Variants in LPP observed in about 807,000 individuals in gnomAD.
LPP encodes LIM domain containing preferred translocation partner in lipoma.
In LPP, 38 loss-of-function variants were observed where a neutral mutation model predicts 60.4. That is an observed-to-expected ratio of 0.63 (90% CI 0.49 to 0.83). The LOEUF is 0.83. Among genes scored for constraint, LPP ranks in the 40% least tolerant of loss-of-function variants. The probability of loss-of-function intolerance (pLI) is 0.00; values close to 1 mark genes in which losing one functional copy is unlikely to be tolerated. For synonymous variants in LPP, 328 were observed against 290.8 expected (o/e 1.13, Z -1.30); for missense variants, 902 against 783.6 (o/e 1.15, Z -1.80).
At chr3:188,748,160 A>G (rs1726889494) in intron 8 of LPP, among the ~76,000 whole-genome samples, 1 of 152,184 alleles carries the variant, frequency 6.6e-6, no homozygotes. Flanking sequence ...TTTATTTTAC[A>G]GCAGTTTATT....
At chr3:188,835,890 A>G (rs1758331180) in intron 9 of LPP, among the ~76,000 whole-genome samples, 1 of 152,316 alleles carries the variant, frequency 6.6e-6, no homozygotes. Flanking sequence ...CAGTAGTTTC[A>G]TTTGAAGGGA....
At chr3:188,605,671 G>A (rs1580333562) in intron 6 of LPP, among the ~76,000 whole-genome samples, 1 of 152,018 alleles carries the variant, frequency 6.6e-6, no homozygotes, top group South Asian at 2.1e-4. Flanking sequence ...TCAAATAAAG[G>A]GAATCATTAT....
intron 1 of LPP, among the ~76,000 whole-genome samples, chr3:188,210,799 C>A (rs1577313449): frequency 1.3e-5 from 2 of 151,940 alleles, no homozygotes; most frequent in Admixed American, 6.6e-5. Flanking sequence ...CTGGAATGCT[C>A]CTGTTGGGAT....
chr3:188,772,828 C>A (rs1736519452), intron 9 of LPP, among the ~76,000 whole-genome samples: 1 of 152,004 alleles, frequency 6.6e-6, no homozygotes, highest in South Asian at 2.1e-4. Context: ...TGGGGGGAGC[C>A]TGTGTCACTC....
intron 7 of LPP, among the ~76,000 whole-genome samples, chr3:188,644,915 G>C (rs1321047591): frequency 6.6e-6 from 1 of 152,212 alleles, no homozygotes; most frequent in East Asian, 1.9e-4. Context: ...ATCAGGCAAA[G>C]CTAGACTCAA....
intron 4 of LPP, among the ~76,000 whole-genome samples, chr3:188,444,152 A>G (rs942351431): frequency 6.6e-6 from 1 of 152,192 alleles, no homozygotes; most frequent in South Asian, 2.1e-4. Flanking sequence ...GGAAGGGAAT[A>G]ACTAAATAAT....
chr3:188,192,045 A>G (rs1728326721), intron 1 of LPP, among the ~76,000 whole-genome samples: 1 of 152,130 alleles, frequency 6.6e-6, no homozygotes, highest in African/African-American at 2.4e-5. Context: ...CTATTTGGCA[A>G]TGAGTAAGGG....
intron 2 of LPP, among the ~76,000 whole-genome samples, chr3:188,245,363 G>A (rs1236541212): frequency 6.6e-6 from 1 of 151,978 alleles, no homozygotes; most frequent in African/African-American, 2.4e-5. Flanking sequence ...TGCCTGCCTC[G>A]GCCTCCCAAA....
intron 9 of LPP, among the ~76,000 whole-genome samples, chr3:188,827,429 A>T (rs1474792327): frequency 6.6e-6 from 1 of 152,238 alleles, no homozygotes; most frequent in African/African-American, 2.4e-5. Context: ...GCAACTTTAG[A>T]GGGAAACATG....
At position 188,885,322 on chromosome 3, in the gene LPP, A is replaced by T. The variant is rs1187860759; in HGVS notation, c.*10843A>T. The T allele has an allele frequency of 1.5e-5, 3 of 196,308 alleles. No homozygotes were observed. Among genetic ancestry groups the T allele is most frequent in the African/African-American group, 6.9e-5 (3 of 43,300 alleles). 12.2% of individuals were successfully genotyped at this position (196,308 alleles called of 1,614,324 possible). A position where few individuals can be genotyped will look rare whatever the true frequency, so the allele number is the denominator to read the frequency against. ...GAGTGTTATCATCCATCAAGCCAGT[A>T]TCATCATCCACCTGCTTATTCCTTG... On this transcript the variant is annotated 3_prime_UTR_variant, in exon 12 of 12. Coordinates refer to ENST00000617246, the MANE Select transcript of LPP (RefSeq NM_001375462.1).
intron 8 of LPP, among the ~76,000 whole-genome samples, chr3:188,740,205 C>T (rs1723929300): frequency 6.6e-6 from 1 of 152,040 alleles, no homozygotes; most frequent in South Asian, 2.1e-4. Context: ...CCCTAGTTTA[C>T]TAAATGGTGC....
chr3:188,340,075 A>T (rs1052680995), intron 2 of LPP, among the ~76,000 whole-genome samples: 2 of 152,114 alleles, frequency 1.3e-5, no homozygotes, highest in African/African-American at 4.8e-5. Flanking sequence ...CCCTTTCCTG[A>T]AGTTGTTTAG....
intron 2 of LPP, among the ~76,000 whole-genome samples, chr3:188,228,241 A>G (rs954994496): frequency 2.3e-4 from 35 of 152,226 alleles, no homozygotes; most frequent in Non-Finnish European, 2.2e-4. Context: ...GCTCATGGCC[A>G]TCAAGAACAT....
chr3:188,409,663 T>C (rs1560367041), intron 4 of LPP, among the ~76,000 whole-genome samples: 1 of 152,222 alleles, frequency 6.6e-6, no homozygotes, highest in Non-Finnish European at 1.5e-5. Context: ...GATACCAGCT[T>C]ATGCTCTGTA....
chr3:188,540,379 T>C (rs894637111), intron 6 of LPP, among the ~76,000 whole-genome samples: 1 of 152,232 alleles, frequency 6.6e-6, no homozygotes, highest in African/African-American at 2.4e-5. Context: ...CCCAATTATA[T>C]GGATTTGTTA....
intron 10 of LPP, among the ~76,000 whole-genome samples, chr3:188,869,831 A>G (rs750483024): frequency 9.2e-5 from 14 of 152,210 alleles, no homozygotes; most frequent in Admixed American, 2.6e-4. Context: ...GTTGACTCAT[A>G]TCCTCCAGCC....
At chr3:188,485,536 GC>G (rs1427269810) in intron 5 of LPP, among the ~76,000 whole-genome samples, 1 of 152,088 alleles carries the variant, frequency 6.6e-6, no homozygotes, top group Non-Finnish European at 1.5e-5. Context: ...GGTGGCTCAC[GC>G]CTGTAATCCC....
intron 1 of LPP, among the ~76,000 whole-genome samples, chr3:188,160,288 A>G (rs1212084269): frequency 7.0e-6 from 1 of 143,592 alleles, no homozygotes. Context: ...TCCGCCTCCC[A>G]GGTTCCAGCG....
chr3:188,494,207 T>C (rs147875639), intron 5 of LPP, among the ~76,000 whole-genome samples: 22 of 152,282 alleles, frequency 1.4e-4, no homozygotes, highest in African/African-American at 5.1e-4. Context: ...AAGGTTAATC[T>C]GGGTCCTCAA....
Sources: gnomAD v4.1 joint callset for allele counts (sites outside exome capture counted in the v4.1 genomes callset) on GRCh38, gnomAD v4.1.1 for gene constraint, MANE v1.5 for transcripts, NCBI Gene and HGNC (gene_info 2026-07-23, HGNC 2026-07-21) for gene names.